The following TMEM132D variants were observed in gnomAD, a reference collection of about 807,000 sequenced individuals.
The protein encoded by TMEM132D is transmembrane protein 132D.
In TMEM132D, 21 loss-of-function variants were observed where a neutral mutation model predicts 62.3. The ratio of observed to expected loss-of-function variants is 0.34; its 90% CI spans 0.24 to 0.49. The LOEUF (loss-of-function observed/expected upper bound fraction) is 0.49, where lower values mean the gene tolerates loss of function less well. Ranked by LOEUF, TMEM132D falls within the 20% of genes least tolerant of loss-of-function variation. TMEM132D has a pLI of 0.99. For synonymous variants in TMEM132D, 621 were observed against 575.6 expected, an observed-to-expected ratio of 1.08 and a Z score of -1.13; for missense variants, 1,346 against 1,402.8, an observed-to-expected ratio of 0.96 and a Z score of 0.65.
intron 2 of TMEM132D, among the ~76,000 whole-genome samples, chr12:129,673,209 T>C (rs1880542471): frequency 6.7e-6 from 1 of 149,714 alleles, no homozygotes; most frequent in Non-Finnish European, 1.5e-5. Context: ...TCTCCATTAC[T>C]ATATATTAAC....
At chr12:129,394,627 G>A (rs573301367) in intron 3 of TMEM132D, among the ~76,000 whole-genome samples, 56 of 152,356 alleles carry the variant, frequency 3.7e-4, no homozygotes, top group African/African-American at 1.2e-3. Context: ...GGGTCTAGCC[G>A]CGTAGACGCT....
intron 3 of TMEM132D, among the ~76,000 whole-genome samples, chr12:129,450,446 G>A (rs1291884753): frequency 6.6e-6 from 1 of 152,076 alleles, no homozygotes; most frequent in Admixed American, 6.6e-5. Flanking sequence ...TTGCACCCCT[G>A]AACTTAAAAG....
At chr12:129,591,742 G>T (rs957673472) in intron 2 of TMEM132D, among the ~76,000 whole-genome samples, 1 of 151,876 alleles carries the variant, frequency 6.6e-6, no homozygotes, top group Non-Finnish European at 1.5e-5. Flanking sequence ...GGGATTATTT[G>T]CAAATACATT....
intron 5 of TMEM132D, among the ~76,000 whole-genome samples, chr12:129,165,907 A>G (rs983737795): frequency 1.3e-5 from 2 of 152,218 alleles, no homozygotes; most frequent in Admixed American, 1.3e-4. Context: ...TAAGAATAAT[A>G]GTGGCTATTC....
At chr12:129,608,215 A>G (rs1049537401) in intron 2 of TMEM132D, among the ~76,000 whole-genome samples, 1 of 152,210 alleles carries the variant, frequency 6.6e-6, no homozygotes, top group African/African-American at 2.4e-5. Flanking sequence ...CTTGAAGTGC[A>G]CTGGCTTTTC....
intron 1 of TMEM132D, among the ~76,000 whole-genome samples, chr12:129,785,088 A>C (rs1871216781): frequency 6.6e-6 from 1 of 152,162 alleles, no homozygotes; most frequent in Non-Finnish European, 1.5e-5. Context: ...ATTAAAATTC[A>C]ACTTTCTTAA....
At chr12:129,080,949 C>T (rs959913112) in intron 7 of TMEM132D, among the ~76,000 whole-genome samples, 3 of 152,174 alleles carry the variant, frequency 2.0e-5, no homozygotes, top group Admixed American at 6.5e-5. Context: ...CATATGGAGG[C>T]ACAATCACTT....
intron 3 of TMEM132D, among the ~76,000 whole-genome samples, chr12:129,392,532 T>G (rs907641578): frequency 2.0e-5 from 3 of 152,152 alleles, no homozygotes; most frequent in Non-Finnish European, 4.4e-5. Context: ...ATGCGCTTGT[T>G]GACAACACCC....
rs1875950039 is a variant in TMEM132D, at chr12:129,524,404, T to A, written c.1115+6655A>T. ...ATCGTACATGCTACTATTCAAGATTTTCTCCCCGTTCAACATTACAGTTTC... is the reference window on the plus strand; with the variant it reads ...ATCGTACATGCTACTATTCAAGATTATCTCCCCGTTCAACATTACAGTTTC... On this transcript the variant is annotated intron_variant, in intron 3 of 8. Transcript: ENST00000422113. Among the ~76,000 whole-genome samples, 9 of 152,176 alleles carry A rather than the reference T, an allele frequency of 5.9e-5. No individual in the cohort carries two copies. In the South Asian group the frequency reaches 1.9e-3, roughly 32 times the overall value.
intron 2 of TMEM132D, among the ~76,000 whole-genome samples, chr12:129,555,457 A>C (rs1877028224): frequency 6.6e-6 from 1 of 152,254 alleles, no homozygotes; most frequent in Non-Finnish European, 1.5e-5. Flanking sequence ...TGTCGGCCTT[A>C]TTAACCATAC....
intron 3 of TMEM132D, among the ~76,000 whole-genome samples, chr12:129,364,725 A>G (rs934447763): frequency 6.6e-6 from 1 of 152,208 alleles, no homozygotes. Context: ...CATTCATTCC[A>G]GGCATCATTA....
At chr12:129,749,646 G>A (rs1040395016) in intron 1 of TMEM132D, among the ~76,000 whole-genome samples, 1 of 150,722 alleles carries the variant, frequency 6.6e-6, no homozygotes, top group African/African-American at 2.4e-5. Flanking sequence ...TGTACTTTTA[G>A]TAGAGATGGT....
chr12:129,292,028 T>C (rs1881462547), intron 4 of TMEM132D, among the ~76,000 whole-genome samples: 1 of 151,988 alleles, frequency 6.6e-6, no homozygotes, highest in African/African-American at 2.4e-5. Flanking sequence ...CCCACCACCA[T>C]GGAAGGGAGA....
chr12:129,817,669 G>GATGT (rs1565996377), intron 1 of TMEM132D, among the ~76,000 whole-genome samples: 1 of 135,626 alleles, frequency 7.4e-6, no homozygotes, highest in African/African-American at 2.8e-5. Flanking sequence ...GTGTGTGGGG[G>GATGT]GTATGTGTGG....
At chr12:129,521,927 T>TC (rs1032048128) in intron 3 of TMEM132D, 1 of 150,078 alleles carries the variant, frequency 6.7e-6, no homozygotes, top group African/African-American at 2.4e-5. Context: ...TTTTTTTTTT[T>TC]CCGATGATGG....
chr12:129,525,052 T>C (rs1454336390), intron 3 of TMEM132D, among the ~76,000 whole-genome samples: 2 of 147,298 alleles, frequency 1.4e-5, no homozygotes, highest in Admixed American at 1.4e-4. Flanking sequence ...CAGCCTCCTG[T>C]GTAGCTGGGA....
intron 3 of TMEM132D, among the ~76,000 whole-genome samples, chr12:129,519,019 C>A (rs1343386707): frequency 6.6e-6 from 1 of 152,198 alleles, no homozygotes; most frequent in Non-Finnish European, 1.5e-5. Flanking sequence ...GAATAGAATA[C>A]ACTTTCCCAG....
chr12:129,884,486 C>A (rs1484643487), intron 1 of TMEM132D, among the ~76,000 whole-genome samples: 1 of 152,218 alleles, frequency 6.6e-6, no homozygotes, highest in Non-Finnish European at 1.5e-5. Context: ...AAAACATCTA[C>A]AGATGGCAAA....
At chr12:129,330,713 C>T (rs1305643867) in intron 4 of TMEM132D, among the ~76,000 whole-genome samples, 1 of 152,240 alleles carries the variant, frequency 6.6e-6, no homozygotes, top group African/African-American at 2.4e-5. Flanking sequence ...AGAAGGTCTT[C>T]ACCACCTGTG....
Sources: allele counts gnomAD v4.1 joint callset (sites outside exome capture counted in the v4.1 genomes callset), GRCh38; gene constraint gnomAD v4.1.1; transcripts MANE v1.5; gene names NCBI Gene and HGNC (gene_info 2026-07-23, HGNC 2026-07-21).